The following HHAT variants were observed in gnomAD, a reference collection of about 807,000 sequenced individuals.
HHAT encodes the protein hedgehog acyltransferase, also known as protein-cysteine N-palmitoyltransferase HHAT.
In HHAT, 47 loss-of-function variants were observed where a neutral mutation model predicts 70.8. That is an observed-to-expected ratio of 0.66 (90% CI 0.53 to 0.85). The LOEUF (loss-of-function observed/expected upper bound fraction) is 0.85. Ranked by LOEUF, HHAT falls within the 40% of genes least tolerant of loss-of-function variation. HHAT has a pLI of 0.00. For missense variants in HHAT, 609 were observed against 604.8 expected, an observed-to-expected ratio of 1.01 and a Z score of -0.07; for synonymous variants, 228 against 247.6, an observed-to-expected ratio of 0.92 and a Z score of 0.74.
chr1:210,499,644 C>CA (rs5780584), intron 8 of HHAT, among the ~76,000 whole-genome samples: 18,667 of 148,546 alleles, frequency 0.13, 1,395 homozygotes, highest in South Asian at 0.23. Context: ...CTTTCTCTCT[C>CA]AAAAAAAAAA....
At chr1:210,393,393 TG>T (rs1038867443) in intron 4 of HHAT, among the ~76,000 whole-genome samples, 3 of 152,192 alleles carry the variant, frequency 2.0e-5, no homozygotes, top group African/African-American at 7.2e-5. Context: ...TCTTGGGTCC[TG>T]GGGGAAAGGA....
At chr1:210,496,672 G>A (rs1291654112) in intron 8 of HHAT, among the ~76,000 whole-genome samples, 8 of 152,174 alleles carry the variant, frequency 5.3e-5, no homozygotes, top group Admixed American at 5.2e-4. Flanking sequence ...TTAGGCAGAG[G>A]TGTACATTAG....
chr1:210,448,498 A>G (rs1339299558), intron 7 of HHAT, among the ~76,000 whole-genome samples: 1 of 152,178 alleles, frequency 6.6e-6, no homozygotes, highest in Non-Finnish European at 1.5e-5. Flanking sequence ...GCAGTAAAAG[A>G]TAGCTAGTCA....
At chr1:210,421,733 C>T (rs1458357381) in intron 7 of HHAT, among the ~76,000 whole-genome samples, 1 of 152,206 alleles carries the variant, frequency 6.6e-6, no homozygotes, top group Admixed American at 6.5e-5. Context: ...CTATGAGCCA[C>T]TGTGCCTGGC....
chr1:210,629,409 T>C (rs1670436802), intron 11 of HHAT, among the ~76,000 whole-genome samples: 1 of 152,254 alleles, frequency 6.6e-6, no homozygotes, highest in African/African-American at 2.4e-5. Context: ...TTAAAGCTTT[T>C]GTGCTAGGTT....
intron 3 of HHAT, among the ~76,000 whole-genome samples, chr1:210,365,670 C>T (rs574407815): frequency 6.6e-6 from 1 of 151,498 alleles, no homozygotes; most frequent in Admixed American, 6.6e-5. Flanking sequence ...GGCTGGAGTG[C>T]AGTGGCACAA....
intron 8 of HHAT, among the ~76,000 whole-genome samples, chr1:210,479,730 T>G (rs1387783115): frequency 6.6e-6 from 1 of 152,232 alleles, no homozygotes; most frequent in Non-Finnish European, 1.5e-5. Context: ...GAAATTACAC[T>G]AATTCCCTGA....
In HHAT at chr1:210,404,548, C is replaced by T. The variant is rs755225544; in HGVS notation, c.553C>T (p.Leu185=). The T allele has an allele frequency of 1.9e-6, 3 of 1,613,982 alleles. No individual in the cohort carries two copies. The change falls in exon 6 of 12, where the codon CTG becomes TTG. Residue 185 remains leucine (L), a synonymous_variant. Coordinates refer to ENST00000261458, the MANE Select transcript of HHAT (RefSeq NM_018194.6). ...CTGCCTGTACTACACCAGCTTCAGC[C>T]TGGAGCTCTGCTGGCAGCAGCTGCC... ...VRCLYYTSFS[L]ELCWQQLPAA...
At chr1:210,597,219 G>A (rs143560041) in intron 10 of HHAT, among the ~76,000 whole-genome samples, 1 of 152,302 alleles carries the variant, frequency 6.6e-6, no homozygotes, top group Non-Finnish European at 1.5e-5. Context: ...AGAGCTGGAG[G>A]TGGAGTGACA....
chr1:210,667,745 T>C (rs1161189773), intron 11 of HHAT, among the ~76,000 whole-genome samples: 1 of 152,212 alleles, frequency 6.6e-6, no homozygotes, highest in Non-Finnish European at 1.5e-5. Flanking sequence ...ACTGTAAGTA[T>C]ACATTTTATA....
At chr1:210,657,803 T>C (rs925600999) in intron 11 of HHAT, among the ~76,000 whole-genome samples, 3 of 152,248 alleles carry the variant, frequency 2.0e-5, no homozygotes, top group Admixed American at 2.0e-4. Context: ...TCCAGGTGTT[T>C]AGGGCCAGTG....
intron 9 of HHAT, among the ~76,000 whole-genome samples, chr1:210,535,665 TTG>T (rs994925933): frequency 6.6e-6 from 1 of 151,490 alleles, no homozygotes; most frequent in Non-Finnish European, 1.5e-5. Flanking sequence ...TGGTGTGTGT[TTG>T]TGTGTGTGTG....
At chr1:210,606,077 C>T (rs11119550) in intron 10 of HHAT, among the ~76,000 whole-genome samples, 65 of 151,956 alleles carry the variant, frequency 4.3e-4, no homozygotes, top group African/African-American at 1.4e-3. Flanking sequence ...AGGCTGGTCT[C>T]GAACTCCTGA....
intron 8 of HHAT, among the ~76,000 whole-genome samples, chr1:210,478,839 C>A (rs942788816): frequency 2.0e-5 from 3 of 152,148 alleles, no homozygotes; most frequent in Non-Finnish European, 2.9e-5. Context: ...ACTGTTGGCC[C>A]CGAGGAATGT....
intron 9 of HHAT, among the ~76,000 whole-genome samples, chr1:210,527,421 C>G (rs116540764): frequency 0.033 from 4,964 of 152,206 alleles, 165 homozygotes; most frequent in African/African-American, 0.075. Flanking sequence ...ATAGTAATAC[C>G]TATTTCACAG....
intron 7 of HHAT, among the ~76,000 whole-genome samples, chr1:210,451,012 G>T (rs112598782): frequency 6.6e-6 from 1 of 151,194 alleles, no homozygotes; most frequent in African/African-American, 2.4e-5. Flanking sequence ...GTGTGAACCC[G>T]GGAGGTGGAG....
chr1:210,671,383 G>A (rs1346402783), intron 11 of HHAT, among the ~76,000 whole-genome samples: 4 of 152,216 alleles, frequency 2.6e-5, no homozygotes, highest in African/African-American at 7.2e-5. Context: ...AACTCTGAGG[G>A]CTTCCAGCAG....
intron 9 of HHAT, among the ~76,000 whole-genome samples, chr1:210,538,293 ATAT>A (rs979918518): frequency 7.9e-5 from 12 of 152,330 alleles, no homozygotes; most frequent in African/African-American, 2.9e-4. Context: ...AAAATAAATA[ATAT>A]TTAGCCACTG....
At chr1:210,458,657 A>G (rs2093918932) in intron 7 of HHAT, among the ~76,000 whole-genome samples, 1 of 152,180 alleles carries the variant, frequency 6.6e-6, no homozygotes, top group South Asian at 2.1e-4. Flanking sequence ...GAAGGGAATA[A>G]TTGGATAAAA....
Sources: gnomAD v4.1 joint callset for allele counts (sites outside exome capture counted in the v4.1 genomes callset) on GRCh38, gnomAD v4.1.1 for gene constraint, MANE v1.5 for transcripts, NCBI Gene and HGNC (gene_info 2026-07-23, HGNC 2026-07-21) for gene names.